Variants in DISC1 observed in about 807,000 individuals in gnomAD.
DISC1 encodes the protein DISC1 scaffold protein.
Under a neutral mutation model 84.5 loss-of-function variants are expected in DISC1, and 57 were observed. The observed-to-expected ratio is 0.67, with a 90% confidence interval of 0.55 to 0.84. The LOEUF is 0.84. Among genes scored for constraint, DISC1 ranks in the 40% least tolerant of loss-of-function variants. The probability of loss-of-function intolerance (pLI) is 0.00; values close to 1 mark genes in which losing one functional copy is unlikely to be tolerated. For synonymous variants in DISC1, 411 were observed against 415.2 expected, an observed-to-expected ratio of 0.99 and a Z score of 0.12; for missense variants, 1,000 against 1,057.8, an observed-to-expected ratio of 0.95 and a Z score of 0.76.
chr1:231,690,647 A>G (rs929078086), intron 1 of DISC1, among the ~76,000 whole-genome samples: 2 of 152,214 alleles, frequency 1.3e-5, no homozygotes, highest in Non-Finnish European at 2.9e-5. Context: ...AGGGGATGTC[A>G]TAAGTTTCCT....
chr1:231,818,662 G>C (rs930673808), intron 9 of DISC1, 145 bp downstream of exon 9: 7 of 1,451,522 alleles, frequency 4.8e-6, no homozygotes, highest in Non-Finnish European at 6.3e-6. Context: ...GGACATTTTT[G>C]GCAGGTGCCT....
intron 10 of DISC1, among the ~76,000 whole-genome samples, chr1:231,965,785 C>A (rs965715527): frequency 2.0e-5 from 3 of 152,218 alleles, no homozygotes; most frequent in African/African-American, 7.2e-5. Context: ...CCCGACCTAG[C>A]CCCTGTGCTC....
intron 9 of DISC1, among the ~76,000 whole-genome samples, chr1:231,856,315 A>G (rs1036956104): frequency 6.6e-6 from 1 of 152,030 alleles, no homozygotes; most frequent in Non-Finnish European, 1.5e-5. Context: ...AGAGCAGTTA[A>G]TCATCTCCTT....
chr1:231,772,456 A>G (rs2076626712), intron 6 of DISC1, among the ~76,000 whole-genome samples: 1 of 152,028 alleles, frequency 6.6e-6, no homozygotes, highest in Non-Finnish European at 1.5e-5. Flanking sequence ...ACAACTCACC[A>G]CCTGTAGTGG....
rs1226162839 is a variant in DISC1 at position 232,009,491 on chromosome 1, TATTA to T, written c.2307+443_2307+446del. The stretch of plus-strand genomic sequence containing the variant: ...TTAGAATCTATATATTACAATATAT[TATTA>T]TTTATTTGAATGAAACATTCAAATA... On this transcript the variant is annotated intron_variant, in intron 11 of 12. Coordinates refer to ENST00000439617, the MANE Select transcript of DISC1 (RefSeq NM_018662.3). This position sits in a 1 kb window ranked among gnomAD's most constrained non-coding sequence, Gnocchi z 4.6. 1 of 661,852 alleles carries T rather than the reference TATTA, an allele frequency of 1.5e-6. No individual in the cohort carries two copies. Among genetic ancestry groups the T allele is most frequent in the Non-Finnish European group, 1.9e-6 (1 of 535,636 alleles). 41.0% of individuals were successfully genotyped at this position (661,852 alleles called of 1,614,324 possible). A position where few individuals can be genotyped will look rare whatever the true frequency, so the allele number is the denominator to read the frequency against.
intron 6 of DISC1, among the ~76,000 whole-genome samples, chr1:231,789,366 G>T (rs1320397098): frequency 6.6e-6 from 1 of 152,192 alleles, no homozygotes; most frequent in Admixed American, 6.5e-5. Context: ...GGTAAGAGAC[G>T]AGATGAGAGA....
chr1:231,978,033 C>T lies in DISC1; in HGVS notation c.2042+19145C>T, dbSNP rs570969775. Among the ~76,000 whole-genome samples, 6 of 152,000 alleles carry T rather than the reference C, an allele frequency of 3.9e-5. No homozygotes were observed. In the East Asian group the frequency reaches 7.7e-4, roughly 20 times the overall value. ...TGAGAGAACTAGATTGTTTGTCCTA[C>T]GGAATTTGGCAAATGTGTTCCTGTG... On this transcript the variant is annotated intron_variant, in intron 10 of 12. Coordinates refer to ENST00000439617, the MANE Select transcript of DISC1 (RefSeq NM_018662.3).
In DISC1 at chr1:231,906,180, G is replaced by A. The variant is rs548190549; in HGVS notation, c.1982-52648G>A. Among the ~76,000 whole-genome samples, 3 of 151,932 alleles carry A rather than the reference G, an allele frequency of 2.0e-5. No individual in the cohort carries two copies. In the East Asian group the frequency reaches 5.8e-4, roughly 29 times the overall value. Reference sequence around the variant, plus strand: ...TGGGACCACAGACATGCGTTACCACGCCGGGCTAATTTTGTATTTTTAGTA... The same window carrying A: ...TGGGACCACAGACATGCGTTACCACACCGGGCTAATTTTGTATTTTTAGTA... On this transcript the variant is annotated intron_variant, in intron 9 of 12. Transcript: ENST00000439617.
At chr1:231,797,631 G>A (rs2078862665) in intron 7 of DISC1, among the ~76,000 whole-genome samples, 1 of 152,018 alleles carries the variant, frequency 6.6e-6, no homozygotes, top group African/African-American at 2.4e-5. Context: ...ACCTCCCAAA[G>A]GCCCCACCTC....
At position 231,722,499 on chromosome 1, in the gene DISC1, T is replaced by G. The variant is rs999649231; in HGVS notation, c.1117+20475T>G. On this transcript the variant is annotated intron_variant, in intron 3 of 12. Coordinates refer to ENST00000439617, the MANE Select transcript of DISC1 (RefSeq NM_018662.3). ...AGTCCCAGTCAAGGATGTTATTCTGTGTCCATTCCACTCAGAGGTATTCAT... is the reference window on the plus strand; with the variant it reads ...AGTCCCAGTCAAGGATGTTATTCTGGGTCCATTCCACTCAGAGGTATTCAT... 11 of 1,613,868 alleles carry G rather than the reference T, an allele frequency of 6.8e-6. No individual in the cohort carries two copies. The East Asian group carries it at 2.5e-4, about 36-fold the overall frequency.
At chr1:231,811,857 G>A (rs142369395) in intron 8 of DISC1, among the ~76,000 whole-genome samples, 1 of 152,296 alleles carries the variant, frequency 6.6e-6, no homozygotes, top group Admixed American at 6.5e-5. Context: ...ACCTTCACAA[G>A]GTTACCTCTG....
At chr1:231,993,113 G>C (rs1295740888) in intron 10 of DISC1, among the ~76,000 whole-genome samples, 1 of 152,134 alleles carries the variant, frequency 6.6e-6, no homozygotes, top group Non-Finnish European at 1.5e-5. Context: ...TGAGCCTTGA[G>C]ATGGGCCTTG....
chr1:231,984,560 A>G (rs913372846), intron 10 of DISC1, among the ~76,000 whole-genome samples: 6 of 152,142 alleles, frequency 3.9e-5, no homozygotes, highest in African/African-American at 1.4e-4. Flanking sequence ...AGGAAATTCT[A>G]TATGGAGCTT....
At position 231,930,959 on chromosome 1, in the gene DISC1, C is replaced by T. The variant is rs141954780; in HGVS notation, c.1982-27869C>T. Among the ~76,000 whole-genome samples, 139 of 152,328 alleles carry T rather than the reference C, an allele frequency of 9.1e-4. No homozygotes were observed. In the Middle Eastern group the frequency reaches 0.044, roughly 48 times the overall value. On this transcript the variant is annotated intron_variant, in intron 9 of 12. Coordinates refer to ENST00000439617, the MANE Select transcript of DISC1 (RefSeq NM_018662.3). Reference sequence around the variant, plus strand: ...TCTTAGCTCCTTACATGCACTTAAGCAGCCATTCATGACCTTTTCTGCAGC... The same window carrying T: ...TCTTAGCTCCTTACATGCACTTAAGTAGCCATTCATGACCTTTTCTGCAGC...
chr1:231,726,272 G>A (rs942288047), intron 3 of DISC1, among the ~76,000 whole-genome samples: 3 of 152,184 alleles, frequency 2.0e-5, no homozygotes, highest in African/African-American at 7.2e-5. Flanking sequence ...ATGTGGCTTG[G>A]GTATATGGCA....
In DISC1 at chr1:231,694,103, G is replaced by T; in HGVS notation, c.345G>T (p.Ser115=). The change falls in exon 2 of 13, where the codon TCG becomes TCT. Residue 115 remains serine, a synonymous_variant. Transcript: ENST00000439617. The part of the protein sequence containing the change: ...APTVTSVRGT[S]AHFGIQLRGG... The stretch of plus-strand genomic sequence containing the variant: ...CTGTGACCTCTGTGAGAGGAACCTC[G>T]GCGCACTTTGGGATTCAGCTCAGAG... 6.2e-7 allele frequency: 1 copy of T among 1,614,174 alleles called. No individual in the cohort carries two copies.
chr1:231,936,422 G>A (rs1341556), intron 9 of DISC1, among the ~76,000 whole-genome samples: 2,498 of 152,246 alleles, frequency 0.016, 35 homozygotes, highest in Admixed American at 0.025. Context: ...ATGTGACAGG[G>A]TAGGGTAGGT....
At chr1:231,926,207 A>G (rs1402769312) in intron 9 of DISC1, among the ~76,000 whole-genome samples, 3 of 152,248 alleles carry the variant, frequency 2.0e-5, no homozygotes, top group Admixed American at 6.5e-5. Flanking sequence ...GCTCTTCTAC[A>G]TATCCCATTT....
rs140290104 is a variant in DISC1 at position 231,972,768 on chromosome 1, G to A, written c.2042+13880G>A. Reference sequence around the variant, plus strand: ...AAAATGGCAGTTGATGTCTTAGCCTGTTGCTATGCCAGTCTATGATGAACT... The same window carrying A: ...AAAATGGCAGTTGATGTCTTAGCCTATTGCTATGCCAGTCTATGATGAACT... On this transcript the variant is annotated intron_variant, in intron 10 of 12. Coordinates refer to ENST00000439617, the MANE Select transcript of DISC1 (RefSeq NM_018662.3). Among the ~76,000 whole-genome samples the A allele has an allele frequency of 3.7e-3, 571 of 152,308 alleles. 3 individuals carry two copies. The highest frequency in any genetic ancestry group is 0.013 in the African/African-American group (541 of 41,566).
Sources: allele counts gnomAD v4.1 joint callset (sites outside exome capture counted in the v4.1 genomes callset), GRCh38; gene constraint gnomAD v4.1.1; non-coding constraint Gnocchi (gnomAD v3.1); transcripts MANE v1.5; gene names NCBI Gene and HGNC (gene_info 2026-07-23, HGNC 2026-07-21).